The following LRP1B variants were observed in gnomAD, a reference collection of about 807,000 sequenced individuals.
LRP1B encodes the protein LDL receptor related protein 1B.
LRP1B carries 217 observed loss-of-function variants against 556.6 expected under a neutral mutation model. The observed-to-expected ratio is 0.39, with a 90% CI of 0.35 to 0.44. LRP1B has a LOEUF of 0.44. Among genes scored for constraint, LRP1B ranks in the 20% least tolerant of loss-of-function variants. The probability of loss-of-function intolerance (pLI) is 1.00; values close to 1 mark genes in which losing one functional copy is unlikely to be tolerated. For synonymous variants in LRP1B, 2,047 were observed against 1,865.8 expected (o/e 1.10, Z -2.50); for missense variants, 5,053 against 5,620.8 (o/e 0.90, Z 3.23).
intron 20 of LRP1B, among the ~76,000 whole-genome samples, chr2:140,923,891 T>C (rs1694812729): frequency 1.3e-5 from 2 of 152,020 alleles, no homozygotes; most frequent in African/African-American, 2.4e-5. Context: ...ATATAAATGT[T>C]GGGATACAGA....
chr2:140,744,586 A>C (rs1344353631), intron 35 of LRP1B, among the ~76,000 whole-genome samples: 1 of 152,208 alleles, frequency 6.6e-6, no homozygotes, highest in African/African-American at 2.4e-5. Flanking sequence ...CTTCCATCTC[A>C]GGGCTTACTG....
chr2:140,883,937 T>A lies in LRP1B; in HGVS notation c.4049A>T (p.Tyr1350Phe). 6.2e-7 allele frequency: 1 copy of A among 1,613,772 alleles called. No individual in the cohort carries two copies. The highest frequency in any genetic ancestry group is 8.5e-7 in the Non-Finnish European group (1 of 1,179,948). ...TTGGTCCAGATTGCTGTCTATCCAGTATATGTTTCCTGCTATCCAGTCGAC... is the reference window on the plus strand; with the variant it reads ...TTGGTCCAGATTGCTGTCTATCCAGAATATGTTTCCTGCTATCCAGTCGAC... The part of the protein sequence containing the change: ...LTVDWIAGNI[Y>F]WIDSNLDQIE... The change falls in exon 25 of 91, where the codon TAC becomes TTC. Residue 1350 changes from tyrosine to phenylalanine, a missense_variant. Around this residue, in one of 5 missense-constraint regions of LRP1B, gnomAD observed 3,619 missense variants for 3,931.9 expected, o/e 0.92. Transcript: ENST00000389484.
At chr2:141,351,026 A>G (rs896846278) in intron 3 of LRP1B, among the ~76,000 whole-genome samples, 2 of 152,090 alleles carry the variant, frequency 1.3e-5, no homozygotes, top group Non-Finnish European at 2.9e-5. Context: ...TTTGGCAATA[A>G]TCTAATCATT....
chr2:140,778,803 C>T (rs535284504), intron 32 of LRP1B, among the ~76,000 whole-genome samples: 7 of 152,108 alleles, frequency 4.6e-5, no homozygotes, highest in Middle Eastern at 3.4e-3. Context: ...CATATATGAA[C>T]GCACACAACA....
chr2:141,001,491 G>A (rs539938893), intron 15 of LRP1B, among the ~76,000 whole-genome samples: 25 of 151,892 alleles, frequency 1.6e-4, no homozygotes, highest in Non-Finnish European at 2.9e-4. Flanking sequence ...CACAACAGGC[G>A]CCAGTGTGTG....
intron 35 of LRP1B, among the ~76,000 whole-genome samples, chr2:140,756,521 G>C (rs191013558): frequency 6.6e-6 from 1 of 151,926 alleles, no homozygotes; most frequent in African/African-American, 2.4e-5. Flanking sequence ...GATAAATAAA[G>C]CCTCACATTT....
In LRP1B at chr2:142,130,654, C is replaced by T; in HGVS notation, c.76G>A (p.Asp26Asn). The change falls in exon 1 of 91, where the codon GAC (aspartate) becomes AAC (asparagine). Residue 26 changes from aspartate to asparagine, a missense_variant. Asp to Asn is a conservative substitution (Grantham distance 23). Transcript: ENST00000389484. ...PIARVLTVGA[D>N]RDQQLCDPGE... ...GGGGAGGTGTTCTCCTTACCTCGGT[C>T]GGCTCCCACGGTCAGCACCCTGGCA... The T allele has an allele frequency of 1.2e-6, 2 of 1,610,970 alleles. No homozygotes were observed. The highest frequency in any genetic ancestry group is 1.3e-5 in the African/African-American group (1 of 74,948).
At chr2:140,249,813 G>C (rs1441890889) in intron 86 of LRP1B, among the ~76,000 whole-genome samples, 1 of 151,742 alleles carries the variant, frequency 6.6e-6, no homozygotes, top group Non-Finnish European at 1.5e-5. Context: ...TTTAAGACCA[G>C]GTATTTTTGT....
chr2:141,958,202 A>G (rs1701311599), intron 1 of LRP1B, among the ~76,000 whole-genome samples: 1 of 152,060 alleles, frequency 6.6e-6, no homozygotes, highest in African/African-American at 2.4e-5. Flanking sequence ...CTACTTGCAC[A>G]CAGCCAAACA....
At chr2:140,619,451 A>G (rs546873932) in intron 41 of LRP1B, among the ~76,000 whole-genome samples, 1 of 152,326 alleles carries the variant, frequency 6.6e-6, no homozygotes, top group South Asian at 2.1e-4. Context: ...GGATAATGGA[A>G]TAAAATGGGT....
intron 43 of LRP1B, among the ~76,000 whole-genome samples, chr2:140,560,589 T>A (rs1356876147): frequency 2.0e-5 from 3 of 152,116 alleles, no homozygotes; most frequent in African/African-American, 7.2e-5. Flanking sequence ...ATCTCTACAC[T>A]GAAAACTAAT....
intron 1 of LRP1B, among the ~76,000 whole-genome samples, chr2:141,996,556 C>A (rs1702496554): frequency 6.6e-6 from 1 of 152,180 alleles, no homozygotes; most frequent in African/African-American, 2.4e-5. Context: ...TTTTCAGTTA[C>A]ATTATTCCCA....
chr2:141,192,416 G>A (rs1681555359), intron 6 of LRP1B, among the ~76,000 whole-genome samples: 1 of 151,824 alleles, frequency 6.6e-6, no homozygotes, highest in Non-Finnish European at 1.5e-5. Context: ...AAAGTATTGA[G>A]TATTTTACCT....
intron 2 of LRP1B, among the ~76,000 whole-genome samples, chr2:141,661,437 A>G (rs931450185): frequency 1.3e-5 from 2 of 152,192 alleles, no homozygotes; most frequent in Admixed American, 6.5e-5. Flanking sequence ...CCATGATAAA[A>G]CATTACAGGA....
chr2:141,540,783 A>G (rs1347902630), intron 2 of LRP1B, among the ~76,000 whole-genome samples: 1 of 152,034 alleles, frequency 6.6e-6, no homozygotes, highest in Non-Finnish European at 1.5e-5. Flanking sequence ...GATTCCTTAT[A>G]CCTTTTCCAG....
chr2:141,214,164 A>G (rs1177156429), intron 6 of LRP1B, among the ~76,000 whole-genome samples: 1 of 152,230 alleles, frequency 6.6e-6, no homozygotes, highest in Non-Finnish European at 1.5e-5. Flanking sequence ...TTAATTTACA[A>G]GATTAAGGAT....
intron 31 of LRP1B, among the ~76,000 whole-genome samples, chr2:140,820,960 AAATATTATC>A (rs1398390015): frequency 6.6e-6 from 1 of 151,738 alleles, no homozygotes; most frequent in East Asian, 1.9e-4. Flanking sequence ...AGCAATTTCA[AAATATTATC>A]AATTTGGTTA....
At chr2:140,250,272 C>CTA (rs1681351656) in intron 86 of LRP1B, among the ~76,000 whole-genome samples, 1 of 151,780 alleles carries the variant, frequency 6.6e-6, no homozygotes, top group East Asian at 1.9e-4. Flanking sequence ...GTGCTGATTA[C>CTA]TATACAACTG....
At chr2:140,515,530 G>T (rs1471340780) in intron 50 of LRP1B, among the ~76,000 whole-genome samples, 1 of 151,814 alleles carries the variant, frequency 6.6e-6, no homozygotes, top group Admixed American at 6.6e-5. Context: ...TCTAAATTAA[G>T]GTGTTCAAAA....
Sources: allele counts gnomAD v4.1 joint callset (sites outside exome capture counted in the v4.1 genomes callset), GRCh38; gene constraint gnomAD v4.1.1; regional missense constraint gnomAD v4.1.1; transcripts MANE v1.5; gene names NCBI Gene and HGNC (gene_info 2026-07-23, HGNC 2026-07-21).